The following BRWD3 variants were observed in gnomAD, a reference collection of about 807,000 sequenced individuals.
BRWD3 encodes the protein bromodomain and WD repeat domain containing 3.
A neutral mutation model predicts 149.7 loss-of-function variants in BRWD3; 10 were observed. The observed-to-expected ratio is 0.07, with a 90% confidence interval of 0.04 to 0.11. The LOEUF is 0.11. Ranked by LOEUF, BRWD3 falls within the 10% of genes least tolerant of loss-of-function variation. The pLI, the probability that BRWD3 is intolerant of heterozygous loss-of-function variation, is 1.00. For synonymous variants in BRWD3, 504 were observed against 456.7 expected, an observed-to-expected ratio of 1.10 and a Z score of -1.32; for missense variants, 940 against 1,373.2, an observed-to-expected ratio of 0.68 and a Z score of 4.99.
In BRWD3 at chrX:80,809,320, GA is replaced by G; in HGVS notation, c.32-17del. On this transcript the variant is annotated splice_polypyrimidine_tract_variant and intron_variant, in intron 1 of 40. Coordinates refer to ENST00000373275, the MANE Select transcript of BRWD3 (RefSeq NM_153252.5). ...TAATACAGCTCTGGGGAAGAGGGGG[GA>G]AAAGAGGTTCAGAGGGAGGTAGAGA... is the stretch of plus-strand genomic sequence containing the variant. 2 of 1,186,205 alleles carry G rather than the reference GA, an allele frequency of 1.7e-6. No individual in the cohort carries two copies. The highest frequency in any genetic ancestry group is 2.3e-6 in the Non-Finnish European group (2 of 879,716).
rs2074374095 is a variant in BRWD3 at position 80,808,605 on chromosome X, G to T, written c.121-7C>A. The T allele has an allele frequency of 1.7e-6, 2 of 1,203,729 alleles. No individual in the cohort carries two copies. The highest frequency in any genetic ancestry group is 2.2e-5 in the Admixed American group (1 of 45,269). ...CTAAGCGGCGCGGAATCAGCTGGGG[G>T]CCGGACGAAAAGAAAGGGGGAAGCG... On this transcript the variant is annotated splice_region_variant and splice_polypyrimidine_tract_variant and intron_variant, in intron 3 of 40. Coordinates refer to ENST00000373275, the MANE Select transcript of BRWD3 (RefSeq NM_153252.5).
chrX:80,750,840 T>A (rs1160182509), intron 6 of BRWD3, among the ~76,000 whole-genome samples: 1 of 88,027 alleles, frequency 1.1e-5, no homozygotes, highest in African/African-American at 4.2e-5. Flanking sequence ...ATCAGATGAA[T>A]GAATCAATGT....
chrX:80,781,867 A>C (rs889880771), intron 6 of BRWD3, among the ~76,000 whole-genome samples: 1 of 111,791 alleles, frequency 8.9e-6, no homozygotes, highest in African/African-American at 3.2e-5. Context: ...AAGATACAAA[A>C]AAAGGAAAGA....
chrX:80,684,118 C>A lies in BRWD3; in HGVS notation c.4125G>T (p.Val1375=). The change falls in exon 37 of 41, where the codon GTG becomes GTT. Residue 1375 remains valine, a synonymous_variant. Transcript: ENST00000373275. The part of the protein sequence containing the change: ...VIDTPVDFST[V]KETLEAGNYG... ...AGTTTCCTGCTTCCAAAGTTTCTTT[C>A]ACAGTGCTGAAGTCCACAGGAGTAT... The A allele has an allele frequency of 8.3e-7, 1 of 1,206,527 alleles. No homozygotes were observed. Among genetic ancestry groups the A allele is most frequent in the Non-Finnish European group, 1.1e-6 (1 of 891,169 alleles).
At chrX:80,734,323 A>G in intron 10 of BRWD3, 105 bp from the exon 11 acceptor site, 1 of 542,745 alleles carries the variant, frequency 1.8e-6, no homozygotes, top group Non-Finnish European at 3.2e-6. Flanking sequence ...AAAGGCTTAA[A>G]GAAACACAAG....
chrX:80,685,490 T>C lies in BRWD3; in HGVS notation c.4052A>G (p.Glu1351Gly). ...AGAAAGAGATGAATCTTGTTGTCTT[T>C]CTGGAACAACAGACTCTGAGGATTC... ...EGESSESVVPERQQDSSLSED... is the reference protein window; with the variant it reads ...EGESSESVVPGRQQDSSLSED... Residue 1351 changes from glutamate to glycine, a missense_variant, in exon 36 of 41, where the codon GAA becomes GGA. Glu to Gly is a moderately conservative substitution (Grantham distance 98, BLOSUM62 -2). Around this residue, in one of 6 missense-constraint regions of BRWD3, gnomAD observed 349 missense variants for 419.6 expected, o/e 0.83. Coordinates refer to ENST00000373275, the MANE Select transcript of BRWD3 (RefSeq NM_153252.5). The C allele has an allele frequency of 2.5e-6, 3 of 1,209,096 alleles. No individual in the cohort carries two copies. Among genetic ancestry groups the C allele is most frequent in the Non-Finnish European group, 3.4e-6 (3 of 893,550 alleles).
rs758730582 is a variant in BRWD3 at position 80,682,110 on chromosome X, T to C, written c.4398-16A>G. 22 of 1,164,439 alleles carry C rather than the reference T, an allele frequency of 1.9e-5. No individual in the cohort carries two copies. In the Middle Eastern group the frequency reaches 1.2e-3, roughly 62 times the overall value. The stretch of plus-strand genomic sequence containing the variant: ...CCCTTTTGGACTAGAAGTAAAAATA[T>C]GTAACAACGAGCATTTTTTTTTTTC... On this transcript the variant is annotated splice_polypyrimidine_tract_variant and intron_variant, in intron 38 of 40. Coordinates refer to ENST00000373275, the MANE Select transcript of BRWD3 (RefSeq NM_153252.5).
chrX:80,684,878 C>G (rs112186701), intron 36 of BRWD3, among the ~76,000 whole-genome samples: 1 of 110,462 alleles, frequency 9.1e-6, no homozygotes, highest in African/African-American at 3.3e-5. Flanking sequence ...GTATTAGATC[C>G]CTTATTGTAT....
intron 18 of BRWD3, among the ~76,000 whole-genome samples, chrX:80,718,473 G>C (rs1227251661): frequency 9.0e-6 from 1 of 111,477 alleles, no homozygotes; most frequent in Non-Finnish European, 1.9e-5. Flanking sequence ...CGGTACAACA[G>C]AATACAGATT....
chrX:80,789,374 AT>A (rs1318459868), intron 6 of BRWD3, among the ~76,000 whole-genome samples: 9 of 108,521 alleles, frequency 8.3e-5, no homozygotes, highest in African/African-American at 2.4e-4. Flanking sequence ...CCATGCTTAA[AT>A]TTTTTTTTTC....
chrX:80,802,923 G>A (rs1423536219), intron 4 of BRWD3, among the ~76,000 whole-genome samples: 1 of 110,178 alleles, frequency 9.1e-6, no homozygotes, highest in African/African-American at 3.3e-5. Context: ...GGCTAACACG[G>A]AGAAACCCCG....
rs2073113259 is a variant in BRWD3 at position 80,719,355 on chromosome X, T to A, written c.2044+134A>T. On this transcript the variant is annotated intron_variant, in intron 18 of 40. Coordinates refer to ENST00000373275, the MANE Select transcript of BRWD3 (RefSeq NM_153252.5). ...GATGAGATTATGAGACTTCAATATA[T>A]CTGATATCAAAATTGTAAATTAATA... is the stretch of plus-strand genomic sequence containing the variant. The A allele has an allele frequency of 1.1e-5, 6 of 547,444 alleles. No individual in the cohort carries two copies. The Admixed American group carries it at 2.0e-4, about 19-fold the overall frequency. The allele number at this position is 547,444 out of a possible 1,213,427, so 45.1% of individuals were successfully genotyped here. A position where few individuals can be genotyped will look rare whatever the true frequency, so the allele number is the denominator to read the frequency against.
chrX:80,751,349 T>C (rs1040698086), intron 6 of BRWD3, among the ~76,000 whole-genome samples: 1 of 111,667 alleles, frequency 9.0e-6, no homozygotes, highest in African/African-American at 3.3e-5. Context: ...AAACATGACA[T>C]TGTACGCCTT....
At chrX:80,751,995 T>TTATTATTAG (rs1444698595) in intron 6 of BRWD3, among the ~76,000 whole-genome samples, 1 of 100,445 alleles carries the variant, frequency 1.0e-5, no homozygotes, top group Non-Finnish European at 2.0e-5. Flanking sequence ...ATTATTATTA[T>TTATTATTAG]TATTATTATT....
intron 6 of BRWD3, among the ~76,000 whole-genome samples, chrX:80,754,523 C>CT (rs1374599070): frequency 8.9e-6 from 1 of 111,745 alleles, no homozygotes; most frequent in Non-Finnish European, 1.9e-5. Flanking sequence ...ACCACTCTCG[C>CT]TAGGATTTCC....
chrX:80,700,013 A>G lies in BRWD3; in HGVS notation c.2887T>C (p.Ser963Pro), dbSNP rs2072758721. 8.3e-7 allele frequency: 1 copy of G among 1,207,999 alleles called. No individual in the cohort carries two copies. The highest frequency in any genetic ancestry group is 1.1e-6 in the Non-Finnish European group (1 of 894,404). The change falls in exon 25 of 41, where the codon TCG becomes CCG. Residue 963 changes from serine (S) to proline (P), a missense_variant. Around this residue, in one of 6 missense-constraint regions of BRWD3, gnomAD observed 158 missense variants for 284.0 expected, o/e 0.56. Coordinates refer to ENST00000373275, the MANE Select transcript of BRWD3 (RefSeq NM_153252.5). ...HEAYVRAVRK[S>P]KIYSVNLQKQ... ...TGTAAATTAACACTGTATATTTTCG[A>G]TTTCCTTACAGCCCGAACATAAGCT...
At chrX:80,740,093 T>C (rs2073463250) in intron 8 of BRWD3, among the ~76,000 whole-genome samples, 1 of 111,996 alleles carries the variant, frequency 8.9e-6, no homozygotes, top group African/African-American at 3.2e-5. Context: ...AATCAAAATG[T>C]TGACATGAAT....
At chrX:80,725,945 CAT>C (rs1332644532) in intron 14 of BRWD3, among the ~76,000 whole-genome samples, 15 of 109,621 alleles carry the variant, frequency 1.4e-4, no homozygotes, top group African/African-American at 4.6e-4. Context: ...TTACATGTTA[CAT>C]GTCTATATAA....
chrX:80,686,446 A>T (rs965267717), intron 35 of BRWD3, among the ~76,000 whole-genome samples: 10 of 108,091 alleles, frequency 9.3e-5, no homozygotes, highest in Non-Finnish European at 1.1e-4. Context: ...TATATAAATT[A>T]AAAAAAAGTA....
Sources: allele counts gnomAD v4.1 joint callset (sites outside exome capture counted in the v4.1 genomes callset), GRCh38; gene constraint gnomAD v4.1.1; regional missense constraint gnomAD v4.1.1; transcripts MANE v1.5; gene names NCBI Gene and HGNC (gene_info 2026-07-23, HGNC 2026-07-21).